ADAMTS6: variants seen among roughly 807,000 people sequenced by gnomAD.
ADAMTS6 encodes the protein A disintegrin and metalloproteinase with thrombospondin motifs 6.
Under a neutral mutation model 144.3 loss-of-function variants are expected in ADAMTS6, and 23 were observed. That is an observed-to-expected ratio of 0.16 (90% CI 0.11 to 0.23). The LOEUF is 0.23. Ranked by LOEUF, ADAMTS6 falls within the 10% of genes least tolerant of loss-of-function variation. The pLI is 1.00. For missense variants in ADAMTS6, 999 were observed against 1,379.6 expected (o/e 0.72, Z 4.37); for synonymous variants, 444 against 457.5 (o/e 0.97, Z 0.38).
At chr5:65,421,244 C>T (rs1211633972) in intron 7 of ADAMTS6, among the ~76,000 whole-genome samples, 1 of 152,062 alleles carries the variant, frequency 6.6e-6, no homozygotes, top group Non-Finnish European at 1.5e-5. Context: ...TTTAGTATTT[C>T]TTATATGTCT....
chr5:65,275,865 C>G (rs540219622), intron 11 of ADAMTS6, among the ~76,000 whole-genome samples: 62 of 151,928 alleles, frequency 4.1e-4, no homozygotes, highest in Non-Finnish European at 7.5e-4. Context: ...AAACAGAGGA[C>G]CATTAATAGA....
intron 20 of ADAMTS6, among the ~76,000 whole-genome samples, chr5:65,206,840 A>T (rs199655582): frequency 0.036 from 1,354 of 37,388 alleles, 7 homozygotes; most frequent in African/African-American, 0.052. Flanking sequence ...TCTCTCTCTC[A>T]CACACACACA....
At chr5:65,171,582 C>T (rs1006510701) in intron 23 of ADAMTS6, among the ~76,000 whole-genome samples, 2 of 152,110 alleles carry the variant, frequency 1.3e-5, no homozygotes, top group African/African-American at 2.4e-5. Context: ...ATCACTATTG[C>T]TCCCTATTTA....
At chr5:65,406,903 A>T (rs1754564828) in intron 7 of ADAMTS6, among the ~76,000 whole-genome samples, 1 of 152,146 alleles carries the variant, frequency 6.6e-6, no homozygotes, top group South Asian at 2.1e-4. Flanking sequence ...AGATCACATG[A>T]ATGAAATGAA....
intron 9 of ADAMTS6, among the ~76,000 whole-genome samples, chr5:65,323,626 T>C (rs1745863164): frequency 6.6e-6 from 1 of 152,162 alleles, no homozygotes; most frequent in Non-Finnish European, 1.5e-5. Context: ...CCTTTGGGTA[T>C]ATACCCAGTA....
chr5:65,466,036 G>A (rs773353023), intron 3 of ADAMTS6, among the ~76,000 whole-genome samples: 6 of 151,988 alleles, frequency 3.9e-5, no homozygotes, highest in South Asian at 2.1e-4. Flanking sequence ...AACATCTCAC[G>A]TTTAACACCT....
Position 65,452,709 on chromosome 5 carries a change from T to C in ADAMTS6, c.841A>G (p.Ile281Val). 2 of 1,613,936 alleles carry C rather than the reference T, an allele frequency of 1.2e-6. No individual in the cohort carries two copies. Among genetic ancestry groups the C allele is most frequent in the Non-Finnish European group, 1.7e-6 (2 of 1,179,890 alleles). The change falls in exon 5 of 25, where the codon ATT becomes GTT. Residue 281 changes from isoleucine to valine, a missense_variant and splice_region_variant. By Grantham distance (29) the Ile-to-Val change is conservative. Around this residue, in one of 3 missense-constraint regions of ADAMTS6, gnomAD observed 128 missense variants for 249.0 expected, o/e 0.51. Coordinates refer to ENST00000381055, the MANE Select transcript of ADAMTS6 (RefSeq NM_197941.4). ...TTATATAGAGGGATCAAACTTACAA[T>C]ATTCATCACACTCAAAATGTAATGT... ...IEHYILSVMN[I>V]VAKLYRDSSL...
intron 24 of ADAMTS6, among the ~76,000 whole-genome samples, chr5:65,161,256 T>C (rs1862565): frequency 0.59 from 90,030 of 151,770 alleles, 27,091 homozygotes; most frequent in Non-Finnish European, 0.65. Flanking sequence ...CAGGCTGGTG[T>C]CAAACTCCTG....
intron 7 of ADAMTS6, among the ~76,000 whole-genome samples, chr5:65,412,730 T>C (rs764679626): frequency 6.6e-6 from 1 of 152,180 alleles, no homozygotes; most frequent in Non-Finnish European, 1.5e-5. Flanking sequence ...GCAAAATACA[T>C]ATTTGATATC....
intron 7 of ADAMTS6, among the ~76,000 whole-genome samples, chr5:65,389,056 T>A (rs183775433): frequency 1.9e-3 from 295 of 151,976 alleles, no homozygotes; most frequent in Non-Finnish European, 3.2e-3. Context: ...ACAAAAAAAT[T>A]AGCCGGGCGT....
At chr5:65,248,107 A>G (rs1363212193) in intron 14 of ADAMTS6, among the ~76,000 whole-genome samples, 2 of 152,188 alleles carry the variant, frequency 1.3e-5, no homozygotes, top group Non-Finnish European at 2.9e-5. Context: ...CCTTGCTTCT[A>G]TACCCTCTTT....
chr5:65,475,178 CA>C (rs1452387689), intron 1 of ADAMTS6, among the ~76,000 whole-genome samples: 2 of 151,860 alleles, frequency 1.3e-5, no homozygotes, highest in Non-Finnish European at 2.9e-5. Context: ...TCACTTTAGG[CA>C]TATAAAAAGT....
chr5:65,282,704 G>A (rs1050946330), intron 11 of ADAMTS6, among the ~76,000 whole-genome samples: 2 of 152,064 alleles, frequency 1.3e-5, no homozygotes, highest in Non-Finnish European at 2.9e-5. Context: ...GCTACAAAGA[G>A]TCTGTTTCAT....
intron 10 of ADAMTS6, chr5:65,297,171 GTTCT>G (rs1742921564): frequency 2.2e-6 from 1 of 454,334 alleles, no homozygotes; most frequent in African/African-American, 2.0e-5. Context: ...ACGGAAATGG[GTTCT>G]TTATTATTTA....
intron 21 of ADAMTS6, among the ~76,000 whole-genome samples, chr5:65,189,623 T>C (rs1287804666): frequency 2.6e-5 from 4 of 152,256 alleles, no homozygotes; most frequent in Non-Finnish European, 4.4e-5. Context: ...AACAAGGGTC[T>C]TGACTGACAT....
chr5:65,414,283 A>G (rs1472415413), intron 7 of ADAMTS6, among the ~76,000 whole-genome samples: 2 of 152,008 alleles, frequency 1.3e-5, no homozygotes, highest in African/African-American at 4.8e-5. Context: ...TTCATTGTTT[A>G]TTTTTTATTT....
At chr5:65,211,858 T>G (rs531624259) in intron 20 of ADAMTS6, among the ~76,000 whole-genome samples, 1 of 152,198 alleles carries the variant, frequency 6.6e-6, no homozygotes, top group Non-Finnish European at 1.5e-5. Flanking sequence ...GAGGCCACCA[T>G]TGGCCTCATT....
chr5:65,394,966 G>A (rs148965760), intron 7 of ADAMTS6, among the ~76,000 whole-genome samples: 294 of 152,130 alleles, frequency 1.9e-3, no homozygotes, highest in Non-Finnish European at 3.3e-3. Flanking sequence ...GAGCGTCATA[G>A]AGAAAAAAAC....
At chr5:65,430,164 T>TA (rs58780724) in intron 7 of ADAMTS6, among the ~76,000 whole-genome samples, 60,904 of 143,966 alleles carry the variant, frequency 0.42, 12,854 homozygotes, top group African/African-American at 0.46. Context: ...TTATCTTTGT[T>TA]AAAAAAAAAA....
Sources: gnomAD v4.1 joint callset for allele counts (sites outside exome capture counted in the v4.1 genomes callset) on GRCh38, gnomAD v4.1.1 for gene constraint, gnomAD v4.1.1 regional missense constraint, MANE v1.5 for transcripts, NCBI Gene and HGNC (gene_info 2026-07-23, HGNC 2026-07-21) for gene names.